Variants in SNTG2 observed in about 807,000 individuals in gnomAD.
SNTG2 encodes syntrophin gamma 2.
SNTG2 carries 74 observed loss-of-function variants against 70.9 expected under a neutral mutation model. That is an observed-to-expected ratio of 1.04 (90% CI 0.86 to 1.27). The LOEUF (loss-of-function observed/expected upper bound fraction) is 1.27. Ranked by LOEUF, SNTG2 falls within the 50% of genes most tolerant of loss-of-function variation. SNTG2 has a pLI of 0.00. For missense variants in SNTG2, 717 were observed against 690.7 expected (o/e 1.04, Z -0.43); for synonymous variants, 278 against 273.8 (o/e 1.02, Z -0.15).
chr2:998,481 G>A (rs1290703717), intron 1 of SNTG2, among the ~76,000 whole-genome samples: 1 of 151,750 alleles, frequency 6.6e-6, no homozygotes, highest in Admixed American at 6.6e-5. Flanking sequence ...GAACTTCTAA[G>A]AATGAAAAAT....
At chr2:1,282,375 T>G (rs1053715403) in intron 14 of SNTG2, among the ~76,000 whole-genome samples, 2 of 152,244 alleles carry the variant, frequency 1.3e-5, no homozygotes, top group East Asian at 1.9e-4. Flanking sequence ...CTTTTGGAAT[T>G]TATTTTGCAT....
chr2:1,303,568 C>A (rs1680546576), intron 14 of SNTG2, among the ~76,000 whole-genome samples: 1 of 152,088 alleles, frequency 6.6e-6, no homozygotes, highest in Non-Finnish European at 1.5e-5. Flanking sequence ...AGGCTTTTGC[C>A]TCAATAAACT....
intron 15 of SNTG2, among the ~76,000 whole-genome samples, chr2:1,310,056 A>C (rs34775793): frequency 0.41 from 62,038 of 152,166 alleles, 12,811 homozygotes; most frequent in Middle Eastern, 0.53. Flanking sequence ...ACAGCTTCTT[A>C]AAGAGAACAC....
In SNTG2 at chr2:1,247,915, T is replaced by C. The variant is rs150010114; in HGVS notation, c.1005+472T>C. On this transcript the variant is annotated intron_variant, in intron 12 of 16. Coordinates refer to ENST00000308624, the MANE Select transcript of SNTG2 (RefSeq NM_018968.4). The stretch of plus-strand genomic sequence containing the variant: ...ATAATATAAATTTATGGCTGAATGC[T>C]ATCGTTCTGCAATTTCATTTTCCAG... Among the ~76,000 whole-genome samples, 332 of 152,286 alleles carry C rather than the reference T, an allele frequency of 2.2e-3. 5 individuals carry two copies. The highest frequency in any genetic ancestry group is 7.3e-3 in the African/African-American group (303 of 41,564).
intron 8 of SNTG2, among the ~76,000 whole-genome samples, chr2:1,178,182 T>TAA (rs1671612757): frequency 6.6e-6 from 1 of 152,194 alleles, no homozygotes; most frequent in Non-Finnish European, 1.5e-5. Context: ...GGGCTCTCTC[T>TAA]TGTAGAGACG....
At chr2:1,237,330 A>T (rs1422337613) in intron 9 of SNTG2, among the ~76,000 whole-genome samples, 1 of 152,174 alleles carries the variant, frequency 6.6e-6, no homozygotes, top group Non-Finnish European at 1.5e-5. Flanking sequence ...GTATGTTTTT[A>T]AAAAATATTG....
chr2:1,012,628 A>G (rs12990396), intron 1 of SNTG2, among the ~76,000 whole-genome samples: 52,677 of 80,358 alleles, frequency 0.66, 17,076 homozygotes, highest in Admixed American at 0.71. Flanking sequence ...ATTTATAAGG[A>G]CAGAGAGAAG....
chr2:1,304,193 C>T (rs1311891533), intron 14 of SNTG2, among the ~76,000 whole-genome samples: 1 of 152,338 alleles, frequency 6.6e-6, no homozygotes, highest in East Asian at 1.9e-4. Flanking sequence ...ACTCAATCTT[C>T]AAGAAAGCAC....
intron 6 of SNTG2, among the ~76,000 whole-genome samples, chr2:1,151,164 G>C (rs564316930): frequency 6.6e-6 from 1 of 152,364 alleles, no homozygotes; most frequent in South Asian, 2.1e-4. Context: ...CACAGTTACT[G>C]TTCCTTCAAT....
At chr2:1,255,867 T>TATATAA in intron 12 of SNTG2, among the ~76,000 whole-genome samples, 1 of 74,430 alleles carries the variant, frequency 1.3e-5, no homozygotes, top group South Asian at 4.5e-4. Context: ...TATATAAATA[T>TATATAA]ATATAAATAT....
chr2:975,356 TCA>T (rs1263371611), intron 1 of SNTG2, among the ~76,000 whole-genome samples: 1 of 151,764 alleles, frequency 6.6e-6, no homozygotes, highest in Non-Finnish European at 1.5e-5. Flanking sequence ...ATGCTTGGAC[TCA>T]CACCTGTGAG....
intron 16 of SNTG2, among the ~76,000 whole-genome samples, chr2:1,357,548 T>C (rs1235016852): frequency 2.0e-5 from 3 of 152,188 alleles, no homozygotes; most frequent in Non-Finnish European, 1.5e-5. Flanking sequence ...AGTTTGGAAG[T>C]GTTCTGTCCT....
chr2:1,282,164 C>A (rs558797741), intron 14 of SNTG2, among the ~76,000 whole-genome samples: 1 of 152,292 alleles, frequency 6.6e-6, no homozygotes, highest in African/African-American at 2.4e-5. Flanking sequence ...ATGTCCTTCC[C>A]GTGGCTCTTT....
At chr2:1,335,746 G>C (rs555294472) in intron 16 of SNTG2, among the ~76,000 whole-genome samples, 51 of 151,768 alleles carry the variant, frequency 3.4e-4, no homozygotes, top group Non-Finnish European at 1.6e-4. Context: ...TGTCCAATGA[G>C]CTTAAATAAC....
intron 12 of SNTG2, among the ~76,000 whole-genome samples, chr2:1,258,401 T>C (rs74783553): frequency 0.017 from 2,564 of 152,348 alleles, 61 homozygotes; most frequent in African/African-American, 0.058. Context: ...CCTTTACTTA[T>C]TGTTTTATTG....
chr2:1,002,494 G>A (rs1331494848), intron 1 of SNTG2, among the ~76,000 whole-genome samples: 1 of 151,994 alleles, frequency 6.6e-6, no homozygotes, highest in Non-Finnish European at 1.5e-5. Flanking sequence ...ACAAGCATTT[G>A]AATTAATGCT....
At chr2:1,213,869 T>C (rs1273175977) in intron 9 of SNTG2, among the ~76,000 whole-genome samples, 1 of 152,220 alleles carries the variant, frequency 6.6e-6, no homozygotes, top group Non-Finnish European at 1.5e-5. Context: ...TGTTTTCTTT[T>C]AGTAGTTTTA....
At chr2:1,008,472 A>G (rs1423140508) in intron 1 of SNTG2, among the ~76,000 whole-genome samples, 1 of 152,234 alleles carries the variant, frequency 6.6e-6, no homozygotes, top group East Asian at 1.9e-4. Flanking sequence ...CATGACAATC[A>G]TCACATACCA....
At chr2:975,097 G>A (rs1660866827) in intron 1 of SNTG2, among the ~76,000 whole-genome samples, 3 of 151,426 alleles carry the variant, frequency 2.0e-5, no homozygotes. Context: ...TCACACCCAT[G>A]AACAAACCAC....
Sources: allele counts gnomAD v4.1 joint callset (sites outside exome capture counted in the v4.1 genomes callset), GRCh38; gene constraint gnomAD v4.1.1; transcripts MANE v1.5; gene names NCBI Gene and HGNC (gene_info 2026-07-23, HGNC 2026-07-21).